CPNE7: variants seen among roughly 807,000 people sequenced by gnomAD.
The protein encoded by CPNE7 is copine-7.
CPNE7 carries 78 observed loss-of-function variants against 66.5 expected under a neutral mutation model. The observed-to-expected ratio is 1.17, with a 90% confidence interval of 0.98 to 1.42. The LOEUF (loss-of-function observed/expected upper bound fraction) is 1.42. CPNE7 is among the 40% of genes most tolerant of loss of function. CPNE7 has a pLI of 0.00. For synonymous variants in CPNE7, 468 were observed against 336.7 expected, an observed-to-expected ratio of 1.39 and a Z score of -4.27; for missense variants, 1,012 against 776.6, an observed-to-expected ratio of 1.30 and a Z score of -3.60.
At chr16:89,592,898 C>T (rs565884525) in intron 13 of CPNE7, among the ~76,000 whole-genome samples, 12 of 147,554 alleles carry the variant, frequency 8.1e-5, no homozygotes, top group East Asian at 2.0e-4. Context: ...CTGCAAGCTC[C>T]GCCTCCCGGG....
intron 10 of CPNE7, among the ~76,000 whole-genome samples, chr16:89,589,440 G>C (rs1480444434): frequency 6.6e-6 from 1 of 152,200 alleles, no homozygotes; most frequent in African/African-American, 2.4e-5. Context: ...ACCCGCGTAT[G>C]CTTTACCAGG....
At position 89,588,927 on chromosome 16, in the gene CPNE7, C is replaced by CGGT. The variant is rs2059128798; in HGVS notation, c.1061+120_1061+122dup. On this transcript the variant is annotated intron_variant, in intron 10 of 14. Coordinates refer to ENST00000319518, the MANE Select transcript of CPNE7 (RefSeq NM_153636.3). The stretch of plus-strand genomic sequence containing the variant: ...GTCAGCTATGACAGGTGCACCCGGC[C>CGGT]GGTTTTCCCTCACCCCCCTGGGCTC... 3 of 1,277,806 alleles carry CGGT rather than the reference C, an allele frequency of 2.3e-6. No homozygotes were observed. In the Admixed American group the frequency reaches 5.8e-5, roughly 25 times the overall value. 79.2% of individuals were successfully genotyped at this position (1,277,806 alleles called of 1,614,324 possible).
intron 11 of CPNE7, among the ~76,000 whole-genome samples, chr16:89,590,525 A>T (rs1457680088): frequency 6.6e-6 from 1 of 151,928 alleles, no homozygotes; most frequent in Non-Finnish European, 1.5e-5. Flanking sequence ...ACTCTGTTTT[A>T]AAAAAGAAAA....
chr16:89,585,135 C>T (rs752433834), intron 5 of CPNE7, among the ~76,000 whole-genome samples: 60 of 152,298 alleles, frequency 3.9e-4, no homozygotes, highest in Non-Finnish European at 5.9e-4. Flanking sequence ...ATTTCAGCGA[C>T]GGCAGGGAGA....
intron 2 of CPNE7, chr16:89,578,766 A>G (rs1306510546): frequency 7.4e-7 from 1 of 1,342,412 alleles, no homozygotes; most frequent in East Asian, 2.8e-5. Flanking sequence ...TCTCAAAAAA[A>G]AAAAAAAAAA....
At chr16:89,593,296 G>A (rs1307252142) in intron 13 of CPNE7, among the ~76,000 whole-genome samples, 1 of 151,704 alleles carries the variant, frequency 6.6e-6, no homozygotes, top group Non-Finnish European at 1.5e-5. Context: ...ACTTGGCACT[G>A]CACACACACA....
chr16:89,583,017 T>TCATC (rs1247054269), intron 2 of CPNE7, among the ~76,000 whole-genome samples: 3 of 152,194 alleles, frequency 2.0e-5, no homozygotes, highest in African/African-American at 7.2e-5. Context: ...CCTGGGCCTG[T>TCATC]CATCCGCCAC....
chr16:89,587,415 G>C (rs1379493230), intron 9 of CPNE7: 1 of 331,988 alleles, frequency 3.0e-6, no homozygotes, highest in East Asian at 9.3e-5. Context: ...CCCGTGAGCC[G>C]ATGTCTCCAT....
rs201931228 is a variant in CPNE7, at chr16:89,588,693, G to C, written c.946G>C (p.Ala316Pro). The part of the protein sequence containing the change: ...IHFTVAIDFT[A>P]SNGDPRNSCS... ...ACTGCAGGTGGCCATTGACTTCACC[G>C]CCTCCAATGGAGACCCGCGGAACAG... The change falls in exon 10 of 15, where the codon GCC becomes CCC. Residue 316 changes from alanine (A) to proline (P), a missense_variant. Coordinates refer to ENST00000319518, the MANE Select transcript of CPNE7 (RefSeq NM_153636.3). 1 of 1,613,226 alleles carries C rather than the reference G, an allele frequency of 6.2e-7. No homozygotes were observed. Among genetic ancestry groups the C allele is most frequent in the East Asian group, 2.2e-5 (1 of 44,874 alleles).
Position 89,596,692 on chromosome 16 carries a change from G to A in CPNE7, c.*71G>A. ...CAGCCTCTGTCTGCAACATGCTTGG[G>A]GTCCCTTAAGCTCCCTCCGACCTCC... On this transcript the variant is annotated 3_prime_UTR_variant, in exon 15 of 15. Transcript: ENST00000319518. The A allele has an allele frequency of 1.4e-6, 2 of 1,451,600 alleles. No homozygotes were observed. Among genetic ancestry groups the A allele is most frequent in the Non-Finnish European group, 1.8e-6 (2 of 1,105,472 alleles). The allele number at this position is 1,451,600 out of a possible 1,614,324, so 89.9% of individuals were successfully genotyped here.
chr16:89,587,652 ACC>A, intron 9 of CPNE7: 2 of 441,242 alleles, frequency 4.5e-6, no homozygotes, highest in Non-Finnish European at 9.2e-6. Flanking sequence ...ACCCCGTGTC[ACC>A]CCCATGTCAC....
chr16:89,589,395 G>C (rs1327499958), intron 10 of CPNE7, among the ~76,000 whole-genome samples: 3 of 152,222 alleles, frequency 2.0e-5, no homozygotes, highest in South Asian at 2.1e-4. Context: ...CGCTTTGCCA[G>C]AATAGCAAAC....
chr16:89,587,200 G>A lies in CPNE7; in HGVS notation c.927+98G>A, dbSNP rs1413185055. The A allele has an allele frequency of 2.1e-5, 9 of 426,502 alleles. 1 individual carries two copies. The African/African-American group carries it at 4.6e-4, about 22-fold the overall frequency. The allele number at this position is 426,502 out of a possible 1,614,324, so 26.4% of individuals were successfully genotyped here. ...GGCCCCGCCCCTCCCCGCCCCCTCAGTCTGTGGCCCCGCCCATCCCCGCCC... is the reference window on the plus strand; with the variant it reads ...GGCCCCGCCCCTCCCCGCCCCCTCAATCTGTGGCCCCGCCCATCCCCGCCC... On this transcript the variant is annotated intron_variant, in intron 9 of 14. Coordinates refer to ENST00000319518, the MANE Select transcript of CPNE7 (RefSeq NM_153636.3).
At position 89,584,772 on chromosome 16, in the gene CPNE7, A is replaced by T. The variant is rs1273393722; in HGVS notation, c.508-2A>T. ...CCCAGCAGCCCTTGTGCCTCTCCCC[A>T]GGACCTCTTCAGCAAGTCCGACCCC... On this transcript the variant is annotated splice_acceptor_variant, in intron 4 of 14. Coordinates refer to ENST00000319518, the MANE Select transcript of CPNE7 (RefSeq NM_153636.3). LOFTEE classifies it high-confidence loss of function. This position sits in a 1 kb window ranked among gnomAD's most constrained non-coding sequence, Gnocchi z 6.0. The T allele has an allele frequency of 6.2e-7, 1 of 1,611,228 alleles. No homozygotes were observed. Among genetic ancestry groups the T allele is most frequent in the African/African-American group, 1.3e-5 (1 of 75,010 alleles).
chr16:89,590,942 G>C, intron 11 of CPNE7, 65 bp from the exon 12 acceptor site: 1 of 1,587,922 alleles, frequency 6.3e-7, no homozygotes, highest in East Asian at 2.2e-5. Context: ...AGCTGACCGA[G>C]GGACATGGGG....
chr16:89,576,655 G>T (rs944091232), intron 1 of CPNE7, among the ~76,000 whole-genome samples: 4 of 152,302 alleles, frequency 2.6e-5, no homozygotes, highest in Admixed American at 2.6e-4. Flanking sequence ...GCTTCACCTC[G>T]AAAGGGCGAG....
rs148946912 is a variant in CPNE7, at chr16:89,596,605, C to T, written c.1661C>T (p.Pro554Leu). Residue 554 changes from proline (P) to leucine (L), a missense_variant, in exon 15 of 15, where the codon CCA (proline) becomes CTA (leucine). Coordinates refer to ENST00000319518, the MANE Select transcript of CPNE7 (RefSeq NM_153636.3). ...GGTGTCCCTGCCGGAGAGGCCAGCC[C>T]AGGCTGCACACCGTGAAGATGTGGA... ...SLGVPAGEAS[P>L]GCTP The T allele has an allele frequency of 3.3e-5, 53 of 1,603,908 alleles. No individual in the cohort carries two copies. The highest frequency in any genetic ancestry group is 4.4e-5 in the Non-Finnish European group (52 of 1,178,492).
At position 89,590,876 on chromosome 16, in the gene CPNE7, G is replaced by A. The variant is rs528286302; in HGVS notation, c.1117-131G>A. The A allele has an allele frequency of 8.0e-4, 673 of 843,254 alleles. 2 individuals are homozygous for A. The highest frequency in any genetic ancestry group is 1.1e-3 in the Non-Finnish European group (616 of 563,706). The allele number at this position is 843,254 out of a possible 1,614,324, so 52.2% of individuals were successfully genotyped here. A position where few individuals can be genotyped will look rare whatever the true frequency, so the allele number is the denominator to read the frequency against. On this transcript the variant is annotated intron_variant, in intron 11 of 14. Coordinates refer to ENST00000319518, the MANE Select transcript of CPNE7 (RefSeq NM_153636.3). The stretch of plus-strand genomic sequence containing the variant: ...TCTTTAGTAGGCGGGGGACATGAGG[G>A]CGGGGACGGGGGGAGCAGCTGACTG...
At chr16:89,579,623 C>T (rs2058916686) in intron 2 of CPNE7, among the ~76,000 whole-genome samples, 1 of 151,082 alleles carries the variant, frequency 6.6e-6, no homozygotes, top group Non-Finnish European at 1.5e-5. Context: ...CACGGAACAT[C>T]CCATCACCCA....
Sources: gnomAD v4.1 joint callset for allele counts (sites outside exome capture counted in the v4.1 genomes callset) on GRCh38, gnomAD v4.1.1 for gene constraint, Gnocchi (gnomAD v3.1) non-coding constraint, MANE v1.5 for transcripts, NCBI Gene and HGNC (gene_info 2026-07-23, HGNC 2026-07-21) for gene names.